The following CLSTN2 variants were observed in gnomAD, a reference collection of about 807,000 sequenced individuals.
CLSTN2 encodes calsyntenin 2.
In CLSTN2, 48 loss-of-function variants were observed where a neutral mutation model predicts 101.2. That is an observed-to-expected ratio of 0.47 (90% CI 0.38 to 0.60). The LOEUF (loss-of-function observed/expected upper bound fraction) is 0.60. CLSTN2 is among the 20% of genes least tolerant of loss of function. The pLI, the probability that CLSTN2 is intolerant of heterozygous loss-of-function variation, is 0.00. For missense variants in CLSTN2, 1,160 were observed against 1,238.2 expected, an observed-to-expected ratio of 0.94 and a Z score of 0.95; for synonymous variants, 481 against 463.6, an observed-to-expected ratio of 1.04 and a Z score of -0.48.
At chr3:140,338,194 A>ATC (rs996987789) in intron 2 of CLSTN2, among the ~76,000 whole-genome samples, 66 of 151,416 alleles carry the variant, frequency 4.4e-4, no homozygotes, top group African/African-American at 1.4e-3. Context: ...TCTCTGACTG[A>ATC]TCTCTCTCTC....
chr3:140,483,828 C>A (rs1348906269), intron 8 of CLSTN2, among the ~76,000 whole-genome samples: 1 of 152,114 alleles, frequency 6.6e-6, no homozygotes, highest in African/African-American at 2.4e-5. Context: ...AGATCTTCCT[C>A]CATCCCTTTA....
At chr3:140,466,506 C>A in intron 7 of CLSTN2, 104 bp from the exon 8 acceptor site, 1 of 1,378,482 alleles carries the variant, frequency 7.3e-7, no homozygotes, top group Non-Finnish European at 1.0e-6. Flanking sequence ...AGTGCCCATG[C>A]CTTTGTCCTC....
Position 140,403,659 on chromosome 3 carries a change from A to C in CLSTN2, c.263A>C (p.Gln88Pro). ...GEICAFKIHG[Q>P]ELPFEAVVLN... ...ATCTGTGCGTTCAAGATCCATGGCC[A>C]GGAGCTGCCCTTTGAGGCTGTGGTG... The change falls in exon 3 of 17, where the codon CAG becomes CCG. Residue 88 changes from glutamine to proline, a missense_variant. Coordinates refer to ENST00000458420, the MANE Select transcript of CLSTN2 (RefSeq NM_022131.3). The C allele has an allele frequency of 6.2e-7, 1 of 1,613,660 alleles. No individual in the cohort carries two copies. Among genetic ancestry groups the C allele is most frequent in the Non-Finnish European group, 8.5e-7 (1 of 1,179,772 alleles).
At chr3:140,547,406 G>A (rs866533843) in intron 10 of CLSTN2, among the ~76,000 whole-genome samples, 5 of 152,040 alleles carry the variant, frequency 3.3e-5, no homozygotes, top group Non-Finnish European at 2.9e-5. Context: ...CCCAGGAGGC[G>A]GAGGTTGCAG....
chr3:140,252,790 G>A (rs1461514063), intron 2 of CLSTN2, among the ~76,000 whole-genome samples: 2 of 152,200 alleles, frequency 1.3e-5, no homozygotes, highest in East Asian at 1.9e-4. Context: ...CTTACTGAGT[G>A]GATTACGTTC....
chr3:140,264,821 T>C (rs770779597), intron 2 of CLSTN2, among the ~76,000 whole-genome samples: 2 of 152,092 alleles, frequency 1.3e-5, no homozygotes, highest in Non-Finnish European at 2.9e-5. Flanking sequence ...TGACTATTAA[T>C]TGAGAATTAG....
intron 1 of CLSTN2, among the ~76,000 whole-genome samples, chr3:140,004,113 T>G (rs1426029): frequency 6.6e-6 from 1 of 152,104 alleles, no homozygotes; most frequent in African/African-American, 2.4e-5. Context: ...ATAAAAAATA[T>G]GCACTCATAT....
At chr3:140,527,001 C>A (rs998179424) in intron 8 of CLSTN2, among the ~76,000 whole-genome samples, 4 of 152,002 alleles carry the variant, frequency 2.6e-5, no homozygotes, top group African/African-American at 7.2e-5. Context: ...AACCTAAGAA[C>A]TACCCTTCTC....
At chr3:140,042,605 T>C (rs1159612587) in intron 1 of CLSTN2, among the ~76,000 whole-genome samples, 3 of 152,174 alleles carry the variant, frequency 2.0e-5, no homozygotes. Context: ...ACGTGCGCCA[T>C]GTTGGTGTGC....
At chr3:140,215,291 A>T (rs1214586800) in intron 2 of CLSTN2, among the ~76,000 whole-genome samples, 3 of 151,850 alleles carry the variant, frequency 2.0e-5, no homozygotes, top group African/African-American at 7.3e-5. Flanking sequence ...CTTGTGTTTT[A>T]TATGGCAATA....
intron 1 of CLSTN2, among the ~76,000 whole-genome samples, chr3:139,991,660 C>T (rs151171111): frequency 3.0e-3 from 457 of 152,318 alleles, no homozygotes; most frequent in African/African-American, 0.01. Flanking sequence ...TTAGATCCCT[C>T]GGGATATGGT....
chr3:140,203,448 A>G (rs1230857461), intron 2 of CLSTN2, among the ~76,000 whole-genome samples: 5 of 145,742 alleles, frequency 3.4e-5, no homozygotes, highest in African/African-American at 1.0e-4. Flanking sequence ...AGAGGGGTTA[A>G]GAGAAAGTGT....
At chr3:140,346,598 A>G (rs750499758) in intron 2 of CLSTN2, among the ~76,000 whole-genome samples, 1 of 152,210 alleles carries the variant, frequency 6.6e-6, no homozygotes, top group Non-Finnish European at 1.5e-5. Context: ...TAGGAACAAG[A>G]GTCAAATATA....
At chr3:139,998,016 G>C (rs1302229861) in intron 1 of CLSTN2, among the ~76,000 whole-genome samples, 2 of 152,094 alleles carry the variant, frequency 1.3e-5, no homozygotes, top group African/African-American at 4.8e-5. Context: ...CCCAGTCAGA[G>C]GTATATCCAG....
chr3:139,967,596 T>A (rs1935622760), intron 1 of CLSTN2, among the ~76,000 whole-genome samples: 3 of 152,186 alleles, frequency 2.0e-5, no homozygotes, highest in Admixed American at 6.5e-5. Flanking sequence ...AGCCTCACTG[T>A]GTTTTCTCTG....
chr3:140,445,586 G>A (rs903573077), intron 5 of CLSTN2, among the ~76,000 whole-genome samples: 1 of 152,194 alleles, frequency 6.6e-6, no homozygotes, highest in African/African-American at 2.4e-5. Context: ...TTTATGGAGG[G>A]TTTGGGGAGA....
chr3:140,556,051 G>A (rs754730913), intron 10 of CLSTN2, among the ~76,000 whole-genome samples: 1 of 152,198 alleles, frequency 6.6e-6, no homozygotes, highest in Non-Finnish European at 1.5e-5. Context: ...CTTGAAGGTT[G>A]GAAGCTAAGA....
intron 1 of CLSTN2, among the ~76,000 whole-genome samples, chr3:140,158,705 A>G (rs2009996523): frequency 6.6e-6 from 1 of 152,210 alleles, no homozygotes; most frequent in Non-Finnish European, 1.5e-5. Flanking sequence ...TATGGAACCA[A>G]AAAAGAGCCT....
intron 2 of CLSTN2, among the ~76,000 whole-genome samples, chr3:140,289,107 T>A (rs1257941451): frequency 6.6e-6 from 1 of 152,208 alleles, no homozygotes; most frequent in African/African-American, 2.4e-5. Context: ...GTAGCTAATG[T>A]GACTGCTTAC....
Sources: gnomAD v4.1 joint callset for allele counts (sites outside exome capture counted in the v4.1 genomes callset) on GRCh38, gnomAD v4.1.1 for gene constraint, MANE v1.5 for transcripts, NCBI Gene and HGNC (gene_info 2026-07-23, HGNC 2026-07-21) for gene names.